The following FOXP1 variants were observed in gnomAD, a reference collection of about 807,000 sequenced individuals.
The protein encoded by FOXP1 is forkhead box P1.
FOXP1 carries 15 observed loss-of-function variants against 98.2 expected under a neutral mutation model. That is an observed-to-expected ratio of 0.15 (90% CI 0.10 to 0.24). FOXP1 has a LOEUF of 0.24. FOXP1 is among the 10% of genes least tolerant of loss of function. The probability of loss-of-function intolerance (pLI) is 1.00; values close to 1 mark genes in which losing one functional copy is unlikely to be tolerated. For synonymous variants in FOXP1, 371 were observed against 314.5 expected (o/e 1.18, Z -1.90); for missense variants, 633 against 848.5 (o/e 0.75, Z 3.15).
chr3:70,958,890 A>C lies in FOXP1; in HGVS notation c.*357T>G, dbSNP rs2032517586. On this transcript the variant is annotated 3_prime_UTR_variant, in exon 21 of 21. Transcript: ENST00000649528. ...TGCACAAGCTCTGTCGGGCGTCCTC[A>C]GTGTCCAACGTTGGCAGGACTGCAG... The C allele has an allele frequency of 2.4e-6, 1 of 412,360 alleles. No homozygotes were observed. The highest frequency in any genetic ancestry group is 4.2e-5 in the East Asian group (1 of 23,654). 25.5% of individuals were successfully genotyped at this position (412,360 alleles called of 1,614,324 possible).
chr3:71,217,030 A>T (rs7432032), intron 5 of FOXP1, among the ~76,000 whole-genome samples: 127,301 of 152,206 alleles, frequency 0.84, 53,294 homozygotes, highest in South Asian at 0.9. Context: ...AACACTTCTA[A>T]AAGAATTTGT....
At chr3:70,995,263 T>C (rs1277368867) in intron 13 of FOXP1, among the ~76,000 whole-genome samples, 2 of 152,176 alleles carry the variant, frequency 1.3e-5, no homozygotes, top group African/African-American at 4.8e-5. Context: ...AAGCTTCAAG[T>C]GTTTCCTTAC....
At chr3:71,445,027 T>C (rs747163295) in intron 3 of FOXP1, among the ~76,000 whole-genome samples, 15 of 152,286 alleles carry the variant, frequency 9.8e-5, no homozygotes, top group Non-Finnish European at 1.8e-4. Flanking sequence ...GGGAGATCTT[T>C]CATTTCAATA....
intron 4 of FOXP1, among the ~76,000 whole-genome samples, chr3:71,327,657 G>T (rs1012298235): frequency 6.6e-5 from 10 of 152,076 alleles, no homozygotes; most frequent in Middle Eastern, 3.4e-3. Flanking sequence ...AAAGTGCTAG[G>T]TTTACAGGTG....
intron 6 of FOXP1, among the ~76,000 whole-genome samples, chr3:71,197,500 A>G (rs1452989835): frequency 6.6e-6 from 1 of 152,232 alleles, no homozygotes; most frequent in Non-Finnish European, 1.5e-5. Context: ...ACCCAGGTCC[A>G]TACCTGTAAA....
chr3:71,007,723 T>C (rs578070098), intron 12 of FOXP1, among the ~76,000 whole-genome samples: 11 of 152,178 alleles, frequency 7.2e-5, no homozygotes, highest in Non-Finnish European at 1.5e-4. Context: ...TGTGAAAACA[T>C]TACAGAGCAC....
At chr3:71,245,595 A>G (rs1038980701) in intron 5 of FOXP1, among the ~76,000 whole-genome samples, 1 of 145,792 alleles carries the variant, frequency 6.9e-6, no homozygotes, top group African/African-American at 2.5e-5. Flanking sequence ...TGAAGGTTAA[A>G]ATTACTTGGT....
chr3:71,257,314 C>A (rs186136710), intron 5 of FOXP1, among the ~76,000 whole-genome samples: 1 of 152,134 alleles, frequency 6.6e-6, no homozygotes, highest in Admixed American at 6.5e-5. Flanking sequence ...TGGTGGCTCA[C>A]GCCTGTAATC....
At chr3:71,466,625 G>C (rs868768127) in intron 3 of FOXP1, among the ~76,000 whole-genome samples, 1 of 152,160 alleles carries the variant, frequency 6.6e-6, no homozygotes, top group South Asian at 2.1e-4. Flanking sequence ...AATAGCTTAG[G>C]GGGTGGGTGC....
intron 7 of FOXP1, among the ~76,000 whole-genome samples, chr3:71,070,824 C>T (rs139272119): frequency 1.8e-4 from 28 of 152,294 alleles, no homozygotes; most frequent in African/African-American, 5.1e-4. Flanking sequence ...ATCTCCAAGA[C>T]GGGAAAATGA....
At chr3:71,191,723 A>G (rs1475083965) in intron 6 of FOXP1, among the ~76,000 whole-genome samples, 1 of 152,246 alleles carries the variant, frequency 6.6e-6, no homozygotes, top group Non-Finnish European at 1.5e-5. Flanking sequence ...TGCCTTTTCT[A>G]GAAACAGCCC....
chr3:71,153,402 A>G (rs2060666147), intron 6 of FOXP1, among the ~76,000 whole-genome samples: 1 of 152,084 alleles, frequency 6.6e-6, no homozygotes, highest in African/African-American at 2.4e-5. Flanking sequence ...GTTTGCAGCT[A>G]TTTCCTCCTA....
intron 5 of FOXP1, among the ~76,000 whole-genome samples, chr3:71,253,470 C>T (rs1312876858): frequency 6.6e-6 from 1 of 152,124 alleles, no homozygotes. Context: ...ATCTTTTACA[C>T]AGCAAGTACA....
At chr3:71,444,901 G>A (rs1474730904) in intron 3 of FOXP1, among the ~76,000 whole-genome samples, 5 of 152,180 alleles carry the variant, frequency 3.3e-5, no homozygotes, top group Admixed American at 3.3e-4. Flanking sequence ...CATGGGGACT[G>A]GAGGGTAGAG....
chr3:71,326,831 AGGTCAAGATGAACT>A (rs2075720381), intron 4 of FOXP1, among the ~76,000 whole-genome samples: 4 of 152,112 alleles, frequency 2.6e-5, no homozygotes, highest in Non-Finnish European at 4.4e-5. Flanking sequence ...TGGTACAGAA[AGGTCAAGATGAACT>A]CCGGATGAAC....
chr3:71,040,499 G>C (rs1256594258), intron 11 of FOXP1: 1 of 152,146 alleles, frequency 6.6e-6, no homozygotes, highest in African/African-American at 2.4e-5. Context: ...CACTTCAACA[G>C]TGGTATTAAT....
chr3:71,128,490 T>G (rs1489711553), intron 6 of FOXP1, among the ~76,000 whole-genome samples: 1 of 152,176 alleles, frequency 6.6e-6, no homozygotes, highest in Non-Finnish European at 1.5e-5. Context: ...CTCTCTGTAT[T>G]ACAGCACCTG....
intron 3 of FOXP1, among the ~76,000 whole-genome samples, chr3:71,411,442 G>A (rs1430428891): frequency 6.6e-6 from 1 of 152,086 alleles, no homozygotes; most frequent in Non-Finnish European, 1.5e-5. Flanking sequence ...AACCTTCCAA[G>A]TAGCTGGGAC....
chr3:71,046,183 A>G (rs1011434917), intron 10 of FOXP1, among the ~76,000 whole-genome samples: 3 of 152,124 alleles, frequency 2.0e-5, no homozygotes, highest in Admixed American at 2.0e-4. Context: ...TGAAAGTCAG[A>G]GTTGCTTAAA....
Sources: gnomAD v4.1 joint callset for allele counts (sites outside exome capture counted in the v4.1 genomes callset) on GRCh38, gnomAD v4.1.1 for gene constraint, MANE v1.5 for transcripts, NCBI Gene and HGNC (gene_info 2026-07-23, HGNC 2026-07-21) for gene names.